Variants in CBR4 observed in about 807,000 individuals in gnomAD.
CBR4 encodes carbonyl reductase 4.
A neutral mutation model predicts 21.0 loss-of-function variants in CBR4; 22 were observed. That is an observed-to-expected ratio of 1.05 (90% CI 0.75 to 1.50). CBR4 has a LOEUF of 1.50. CBR4 is among the 40% of genes most tolerant of loss of function. The pLI is 0.00. For synonymous variants in CBR4, 100 were observed against 104.4 expected (o/e 0.96, Z 0.26); for missense variants, 302 against 286.3 (o/e 1.05, Z -0.40).
At chr4:168,935,950 C>A (rs1763101127) in intron 2 of CBR4, among the ~76,000 whole-genome samples, 2 of 152,172 alleles carry the variant, frequency 1.3e-5, no homozygotes, top group African/African-American at 2.4e-5. Flanking sequence ...GTCCCTGACC[C>A]CCATGCCTCC....
intron 2 of CBR4, among the ~76,000 whole-genome samples, chr4:168,960,992 T>C (rs924498721): frequency 6.6e-6 from 1 of 152,222 alleles, no homozygotes; most frequent in South Asian, 2.1e-4. Flanking sequence ...TGCTGAGCAA[T>C]TCCACAAGAG....
At chr4:168,923,736 C>G (rs1487088196) in intron 2 of CBR4, among the ~76,000 whole-genome samples, 1 of 152,088 alleles carries the variant, frequency 6.6e-6, no homozygotes, top group Non-Finnish European at 1.5e-5. Context: ...ATAAAGATGC[C>G]TCCCCTTTAA....
chr4:168,963,756 C>T (rs964061500), intron 2 of CBR4, among the ~76,000 whole-genome samples: 7 of 152,042 alleles, frequency 4.6e-5, no homozygotes, highest in Admixed American at 1.3e-4. Flanking sequence ...TGAGCCACCG[C>T]GCCCAACCTC....
At chr4:168,971,513 A>T (rs997963778) in intron 2 of CBR4, among the ~76,000 whole-genome samples, 77 of 143,968 alleles carry the variant, frequency 5.3e-4, no homozygotes, top group Admixed American at 2.1e-3. Flanking sequence ...CGAACTCCTG[A>T]CCTCAAGCGA....
At chr4:168,921,625 A>G in intron 2 of CBR4, 1 of 1,610,940 alleles carries the variant, frequency 6.2e-7, no homozygotes, top group African/African-American at 1.4e-5. Context: ...GTGCGTGAGA[A>G]CGGGGTGCAC....
At chr4:168,954,226 C>T (rs558685969) in intron 2 of CBR4, among the ~76,000 whole-genome samples, 1 of 152,250 alleles carries the variant, frequency 6.6e-6, no homozygotes, top group South Asian at 2.1e-4. Flanking sequence ...ACTTCTTAAG[C>T]ACAACACTGA....
intron 2 of CBR4, among the ~76,000 whole-genome samples, chr4:168,970,693 C>G (rs1434921430): frequency 6.6e-6 from 1 of 151,814 alleles, no homozygotes; most frequent in African/African-American, 2.4e-5. Flanking sequence ...AATGCCTTTG[C>G]TCCCACTCAT....
chr4:168,968,976 G>T (rs770747966), intron 2 of CBR4, among the ~76,000 whole-genome samples: 1 of 152,084 alleles, frequency 6.6e-6, no homozygotes, highest in African/African-American at 2.4e-5. Flanking sequence ...GTATGTCTAG[G>T]GACACAGTGG....
chr4:168,898,727 A>G lies in CBR4; in HGVS notation n.170-3962T>C, dbSNP rs190608408. On this transcript the variant is annotated intron_variant and non_coding_transcript_variant, in intron 2 of 3. Coordinates refer to the CBR4 transcript ENST00000509108. ...TCCAAAGCCAAAGGTGAGCTGGGAG[A>G]TGGAGGCTTTTTAAGAGTCATTCTC... is the stretch of plus-strand genomic sequence containing the variant. 1.2e-4 allele frequency: 190 copies of G among 1,569,652 alleles called. 3 individuals are homozygous for G. In the East Asian group the frequency reaches 4.0e-3, roughly 33 times the overall value.
At chr4:168,992,545 A>C (rs919690742) in intron 4 of CBR4, among the ~76,000 whole-genome samples, 2 of 152,156 alleles carry the variant, frequency 1.3e-5, no homozygotes, top group Admixed American at 1.3e-4. Context: ...AAATTATGCT[A>C]TAGAAGGATA....
At chr4:169,003,440 A>G (rs1034248551) in intron 3 of CBR4, among the ~76,000 whole-genome samples, 4 of 152,226 alleles carry the variant, frequency 2.6e-5, no homozygotes, top group Admixed American at 1.3e-4. Context: ...ATGGATAAAC[A>G]AAGTTGTTTC....
At chr4:168,961,064 T>A (rs1050179078) in intron 2 of CBR4, among the ~76,000 whole-genome samples, 2 of 152,180 alleles carry the variant, frequency 1.3e-5, no homozygotes, top group African/African-American at 2.4e-5. Flanking sequence ...AAGACGGTGG[T>A]TATGGGTACT....
chr4:168,972,632 T>C (rs559053293), intron 2 of CBR4, among the ~76,000 whole-genome samples: 49 of 152,260 alleles, frequency 3.2e-4, no homozygotes, highest in Non-Finnish European at 5.4e-4. Context: ...ACTGATTTTG[T>C]ATCCTGAAAC....
chr4:168,971,436 A>T (rs1162225045), intron 2 of CBR4, among the ~76,000 whole-genome samples: 1 of 114,114 alleles, frequency 8.8e-6, no homozygotes, highest in Non-Finnish European at 1.7e-5. Context: ...TGCCCAGCTC[A>T]TTTTTTTTTT....
chr4:168,952,153 T>G (rs891458968), intron 2 of CBR4, among the ~76,000 whole-genome samples: 1 of 152,194 alleles, frequency 6.6e-6, no homozygotes, highest in Admixed American at 6.5e-5. Context: ...TGGGTTAATT[T>G]GTAGACCTTG....
intron 2 of CBR4, among the ~76,000 whole-genome samples, chr4:168,961,125 C>G (rs1763837622): frequency 2.6e-5 from 4 of 152,196 alleles, no homozygotes; most frequent in Admixed American, 2.6e-4. Flanking sequence ...AGAGATGATA[C>G]TGACGCTTTC....
chr4:168,934,004 C>T (rs1200331898), intron 2 of CBR4, among the ~76,000 whole-genome samples: 1 of 152,050 alleles, frequency 6.6e-6, no homozygotes, highest in Non-Finnish European at 1.5e-5. Flanking sequence ...CTGTGTGATA[C>T]AGCAAAAGCA....
At position 169,010,189 on chromosome 4, in the gene CBR4, A is replaced by C; in HGVS notation, c.-100T>G. 2 of 880,660 alleles carry C rather than the reference A, an allele frequency of 2.3e-6. No individual in the cohort carries two copies. The highest frequency in any genetic ancestry group is 3.2e-6 in the Non-Finnish European group (2 of 620,692). The allele number at this position is 880,660 out of a possible 1,614,324, so 54.6% of individuals were successfully genotyped here. On this transcript the variant is annotated 5_prime_UTR_variant, in exon 1 of 5. Coordinates refer to ENST00000306193, the MANE Select transcript of CBR4 (RefSeq NM_032783.5). ...AACCGCGGTTCCAAAAAAAAAAAAA[A>C]GAAAAAAAAAGGCAAACCGCAAAAA...
chr4:168,926,392 A>G, intron 2 of CBR4: 2 of 1,534,756 alleles, frequency 1.3e-6, no homozygotes, highest in East Asian at 2.4e-5. Context: ...GTAATCCAGC[A>G]TTCTTGTTAA....
Sources: allele counts gnomAD v4.1 joint callset (sites outside exome capture counted in the v4.1 genomes callset), GRCh38; gene constraint gnomAD v4.1.1; transcripts MANE v1.5; gene names NCBI Gene and HGNC (gene_info 2026-07-23, HGNC 2026-07-21).